Variants in DMD observed in about 807,000 individuals in gnomAD.
DMD encodes the protein mutant dystrophin.
In DMD, 63 loss-of-function variants were observed where a neutral mutation model predicts 330.1. The ratio of observed to expected loss-of-function variants is 0.19; its 90% confidence interval spans 0.16 to 0.24. The LOEUF (loss-of-function observed/expected upper bound fraction) is 0.24. Among genes scored for constraint, DMD ranks in the 10% least tolerant of loss-of-function variants. The pLI is 1.00. For synonymous variants in DMD, 1,223 were observed against 959.8 expected (o/e 1.27, Z -5.07); for missense variants, 3,344 against 2,684.1 (o/e 1.25, Z -5.43).
At chrX:33,039,148 A>G (rs956006766) in intron 1 of DMD, among the ~76,000 whole-genome samples, 1 of 111,369 alleles carries the variant, frequency 9.0e-6, no homozygotes, top group Non-Finnish European at 1.9e-5. Context: ...CATGGTTTAA[A>G]TTTTTAGGAA....
intron 60 of DMD, among the ~76,000 whole-genome samples, chrX:31,369,810 A>C (rs776861495): frequency 8.9e-6 from 1 of 111,950 alleles, no homozygotes; most frequent in East Asian, 2.8e-4. Flanking sequence ...ATATGCAAAA[A>C]ATAAACCTCA....
At chrX:31,143,935 A>G (rs753598867) in intron 76 of DMD, among the ~76,000 whole-genome samples, 22 of 112,238 alleles carry the variant, frequency 2.0e-4, no homozygotes, top group Admixed American at 9.4e-5. Flanking sequence ...AAATGCATAC[A>G]GTTGTTTTTC....
chrX:32,122,954 G>A (rs2096643397), intron 44 of DMD, among the ~76,000 whole-genome samples: 1 of 108,052 alleles, frequency 9.3e-6, no homozygotes, highest in East Asian at 2.9e-4. Flanking sequence ...CCCCTTAATC[G>A]GTTTTCTAAA....
At chrX:31,136,092 T>A (rs1450295343) in intron 76 of DMD, among the ~76,000 whole-genome samples, 1 of 111,089 alleles carries the variant, frequency 9.0e-6, no homozygotes, top group Admixed American at 9.6e-5. Flanking sequence ...GGCTTCATAT[T>A]TTTATTAGAA....
intron 44 of DMD, among the ~76,000 whole-genome samples, chrX:32,189,030 T>C (rs1380904931): frequency 9.0e-6 from 1 of 111,107 alleles, no homozygotes; most frequent in Non-Finnish European, 1.9e-5. Flanking sequence ...GTGAATGAAA[T>C]ATTTCCATTT....
chrX:31,934,864 T>C (rs2094904150), intron 45 of DMD, among the ~76,000 whole-genome samples: 1 of 112,552 alleles, frequency 8.9e-6, no homozygotes, highest in African/African-American at 3.2e-5. Context: ...TCATGTTTGC[T>C]ATTTTCTGAG....
intron 44 of DMD, among the ~76,000 whole-genome samples, chrX:32,189,796 A>C (rs975393275): frequency 9.0e-6 from 1 of 111,229 alleles, no homozygotes; most frequent in Admixed American, 9.6e-5. Flanking sequence ...TTTTGACCCC[A>C]AAAGCCTAAC....
chrX:32,472,146 A>C lies in DMD; in HGVS notation c.2949+18T>G. The C allele has an allele frequency of 8.3e-7, 1 of 1,208,866 alleles. No homozygotes were observed. Among genetic ancestry groups the C allele is most frequent in the Non-Finnish European group, 1.1e-6 (1 of 893,257 alleles). On this transcript the variant is annotated intron_variant, in intron 22 of 78. Coordinates refer to ENST00000357033, the MANE Select transcript of DMD (RefSeq NM_004006.3). ...GATAAGCGTGCTTTATTGTTTTGAC[A>C]TTCAAATATTCACAGACCTGCAATT...
intron 44 of DMD, among the ~76,000 whole-genome samples, chrX:32,033,506 T>A (rs1369748335): frequency 9.2e-6 from 1 of 108,653 alleles, no homozygotes; most frequent in Non-Finnish European, 1.9e-5. Flanking sequence ...GAATTTATTT[T>A]ATTGTATCAA....
chrX:32,861,432 G>T (rs759146988), intron 2 of DMD, among the ~76,000 whole-genome samples: 85 of 111,963 alleles, frequency 7.6e-4, no homozygotes, highest in South Asian at 1.1e-3. Flanking sequence ...GTTATCACCT[G>T]GAGGTGGAGA....
At chrX:32,973,319 A>G (rs2092446215) in intron 2 of DMD, among the ~76,000 whole-genome samples, 1 of 112,307 alleles carries the variant, frequency 8.9e-6, no homozygotes, top group Non-Finnish European at 1.9e-5. Flanking sequence ...AATGGTTTTA[A>G]AATATGGTCC....
Position 31,559,181 on chromosome X carries a change from A to G in DMD, c.8218-51728T>C, listed in dbSNP as rs189139477. ...TTCCTCTGATATTGTGAATTTAATT[A>G]GTAGGCAATTTGCTCATGAAATCAG... On this transcript the variant is annotated intron_variant, in intron 55 of 78. Transcript: ENST00000357033. Among the ~76,000 whole-genome samples, 294 of 112,246 alleles carry G rather than the reference A, an allele frequency of 2.6e-3. 3 individuals are homozygous for G. Among genetic ancestry groups the G allele is most frequent in the Non-Finnish European group, 2.5e-3 (134 of 53,257 alleles).
chrX:32,535,866 T>G (rs2047903531), intron 17 of DMD, among the ~76,000 whole-genome samples: 1 of 111,860 alleles, frequency 8.9e-6, no homozygotes, highest in South Asian at 3.7e-4. Context: ...GGTGTACAGA[T>G]GACAAGAAAT....
chrX:32,987,796 A>G (rs1158102129), intron 2 of DMD, among the ~76,000 whole-genome samples: 4 of 110,351 alleles, frequency 3.6e-5, no homozygotes, highest in Admixed American at 9.8e-5. Flanking sequence ...CATTAAACTT[A>G]GATGAATTAT....
chrX:31,723,412 C>T (rs2085733581), intron 52 of DMD, among the ~76,000 whole-genome samples: 1 of 111,129 alleles, frequency 9.0e-6, no homozygotes, highest in Non-Finnish European at 1.9e-5. Flanking sequence ...CATTAATCTT[C>T]CAAAGAATTC....
chrX:32,623,789 A>T (rs938691814), intron 11 of DMD, among the ~76,000 whole-genome samples: 1 of 111,299 alleles, frequency 9.0e-6, no homozygotes, highest in Non-Finnish European at 1.9e-5. Flanking sequence ...GACCTCCCAA[A>T]GTTCTGGGAT....
intron 17 of DMD, among the ~76,000 whole-genome samples, chrX:32,522,072 T>C (rs776329528): frequency 3.3e-4 from 37 of 112,049 alleles, no homozygotes; most frequent in Non-Finnish European, 5.8e-4. Flanking sequence ...GAGACATAAA[T>C]TTCTGTGGTT....
intron 16 of DMD, among the ~76,000 whole-genome samples, chrX:32,564,642 C>T (rs2051466662): frequency 8.9e-6 from 1 of 111,785 alleles, no homozygotes; most frequent in Non-Finnish European, 1.9e-5. Flanking sequence ...CATATTTCTT[C>T]AAATTATAAT....
At chrX:31,325,446 C>CAAAAAAAAAAA (rs386416849) in intron 61 of DMD, among the ~76,000 whole-genome samples, 2 of 51,056 alleles carry the variant, frequency 3.9e-5, no homozygotes, top group African/African-American at 7.3e-5. Flanking sequence ...CTAAAAATAC[C>CAAAAAAAAAAA]AAAAAAAAAA....
Sources: allele counts gnomAD v4.1 joint callset (sites outside exome capture counted in the v4.1 genomes callset), GRCh38; gene constraint gnomAD v4.1.1; transcripts MANE v1.5; gene names NCBI Gene and HGNC (gene_info 2026-07-23, HGNC 2026-07-21).